The following KLHL8 variants were observed in gnomAD, a reference collection of about 807,000 sequenced individuals.
KLHL8 encodes the protein kelch-like protein 8.
Under a neutral mutation model 63.5 loss-of-function variants are expected in KLHL8, and 38 were observed. That is an observed-to-expected ratio of 0.60 (90% confidence interval 0.46 to 0.78). KLHL8 has a LOEUF of 0.78. Ranked by LOEUF, KLHL8 falls within the 30% of genes least tolerant of loss-of-function variation. The probability of loss-of-function intolerance (pLI) is 0.00; values close to 1 mark genes in which losing one functional copy is unlikely to be tolerated. For synonymous variants in KLHL8, 224 were observed against 254.3 expected (o/e 0.88, Z 1.13); for missense variants, 566 against 752.4 (o/e 0.75, Z 2.90).
chr4:87,223,491 C>T (rs1210677230), upstream of KLHL8, among the ~76,000 whole-genome samples: 1 of 152,036 alleles, frequency 6.6e-6, no homozygotes, highest in Non-Finnish European at 1.5e-5. Flanking sequence ...GGGAAATACG[C>T]AGTAGACAAA....
chr4:87,202,720 A>G (rs1731969232), intron 1 of KLHL8, among the ~76,000 whole-genome samples: 1 of 152,218 alleles, frequency 6.6e-6, no homozygotes, highest in Non-Finnish European at 1.5e-5. Flanking sequence ...GTTTCACTAC[A>G]TTCTACCAAA....
At chr4:87,176,682 TTAAAA>T (rs1277947921) in intron 6 of KLHL8, 70 bp downstream of exon 6, 1 of 871,592 alleles carries the variant, frequency 1.1e-6, no homozygotes, top group Non-Finnish European at 1.8e-6. Context: ...AAAAAAAAGT[TTAAAA>T]TAAGGCCTTT....
intron 6 of KLHL8, among the ~76,000 whole-genome samples, chr4:87,174,699 T>C (rs1228514299): frequency 1.3e-5 from 2 of 152,220 alleles, no homozygotes; most frequent in Non-Finnish European, 2.9e-5. Flanking sequence ...TATTCTAGTA[T>C]CTAGTTTTAT....
intron 6 of KLHL8, among the ~76,000 whole-genome samples, chr4:87,176,453 A>G (rs996299608): frequency 5.9e-5 from 9 of 152,228 alleles, no homozygotes; most frequent in African/African-American, 2.2e-4. Context: ...AGAAACTTTA[A>G]TATTTTTGCA....
intron 1 of KLHL8, chr4:87,207,983 G>A: frequency 1.3e-6 from 1 of 757,826 alleles, no homozygotes; most frequent in Non-Finnish European, 2.4e-6. Flanking sequence ...GTTAGGGCTG[G>A]CATTGCCCTC....
At chr4:87,174,554 C>T (rs1730750174) in intron 6 of KLHL8, among the ~76,000 whole-genome samples, 1 of 152,192 alleles carries the variant, frequency 6.6e-6, no homozygotes, top group Non-Finnish European at 1.5e-5. Flanking sequence ...GCTGGGATTA[C>T]AGGCATGAGC....
At chr4:87,192,002 C>T (rs960789979) in intron 2 of KLHL8, among the ~76,000 whole-genome samples, 5 of 152,250 alleles carry the variant, frequency 3.3e-5, no homozygotes, top group Middle Eastern at 3.4e-3. Flanking sequence ...TTTCCATATC[C>T]AATCCACCAC....
intron 1 of KLHL8, among the ~76,000 whole-genome samples, chr4:87,229,435 T>G (rs1733095610): frequency 1.4e-5 from 1 of 70,980 alleles, no homozygotes; most frequent in East Asian, 7.4e-4. Context: ...TTTTTTTTTT[T>G]GGTGGGGGGG....
At chr4:87,178,683 C>A (rs1730931052) in intron 4 of KLHL8, 63 bp from the exon 5 acceptor site, 10 of 1,441,902 alleles carry the variant, frequency 6.9e-6, no homozygotes, top group Admixed American at 5.6e-5. Context: ...AATTAGAAAG[C>A]CAAAACTTTG....
intron 1 of KLHL8, among the ~76,000 whole-genome samples, chr4:87,206,281 A>T (rs1732129630): frequency 1.3e-5 from 2 of 152,162 alleles, no homozygotes; most frequent in South Asian, 4.1e-4. Context: ...GCCATCAATA[A>T]ACATCTCTCA....
intron 4 of KLHL8, among the ~76,000 whole-genome samples, chr4:87,179,603 C>T (rs548201943): frequency 6.6e-6 from 1 of 151,700 alleles, no homozygotes; most frequent in African/African-American, 2.4e-5. Flanking sequence ...AACAAGACCC[C>T]TATCTCTACA....
intron 5 of KLHL8, among the ~76,000 whole-genome samples, chr4:87,178,214 C>T (rs1730905854): frequency 6.6e-6 from 1 of 152,018 alleles, no homozygotes; most frequent in Non-Finnish European, 1.5e-5. Flanking sequence ...GTTCTATAAA[C>T]ATTTTTCCTT....
chr4:87,232,683 T>C (rs758121301), intron 1 of KLHL8, among the ~76,000 whole-genome samples: 1 of 152,240 alleles, frequency 6.6e-6, no homozygotes, highest in Non-Finnish European at 1.5e-5. Context: ...CAAGACTTGG[T>C]TTTACCAGAC....
chr4:87,224,662 A>G (rs1197493386), upstream of KLHL8, among the ~76,000 whole-genome samples: 2 of 152,090 alleles, frequency 1.3e-5, no homozygotes, highest in Non-Finnish European at 2.9e-5. Context: ...TCACCCTCCT[A>G]CAAAACCAGC....
chr4:87,206,453 G>T (rs959237886), intron 1 of KLHL8, among the ~76,000 whole-genome samples: 1 of 152,086 alleles, frequency 6.6e-6, no homozygotes, highest in Admixed American at 6.6e-5. Context: ...GTAGGGAAAG[G>T]GGGAAAGAAG....
At chr4:87,177,250 C>A (rs1267037864) in intron 5 of KLHL8, among the ~76,000 whole-genome samples, 3 of 152,074 alleles carry the variant, frequency 2.0e-5, no homozygotes, top group African/African-American at 4.8e-5. Flanking sequence ...CATGGTGGAT[C>A]ATGCCTGTAA....
intron 1 of KLHL8, among the ~76,000 whole-genome samples, chr4:87,233,508 G>A (rs543723259): frequency 2.9e-4 from 44 of 152,208 alleles, no homozygotes; most frequent in Non-Finnish European, 5.9e-4. Flanking sequence ...GGGAGGCAGA[G>A]GTTGCAGTGC....
At chr4:87,207,513 C>A in intron 1 of KLHL8, 1 of 842,984 alleles carries the variant, frequency 1.2e-6, no homozygotes, top group Non-Finnish European at 2.0e-6. Context: ...ATGACAACAG[C>A]CTCAAGATCA....
chr4:87,237,330 G>C (rs1346756852), intron 1 of KLHL8, among the ~76,000 whole-genome samples: 1 of 152,130 alleles, frequency 6.6e-6, no homozygotes, highest in African/African-American at 2.4e-5. Flanking sequence ...TATTTGAGCT[G>C]GGTCTTAAAT....
Sources: allele counts gnomAD v4.1 joint callset (sites outside exome capture counted in the v4.1 genomes callset), GRCh38; gene constraint gnomAD v4.1.1; transcripts MANE v1.5; gene names NCBI Gene and HGNC (gene_info 2026-07-23, HGNC 2026-07-21).